EYS: variants seen among roughly 807,000 people sequenced by gnomAD.
The protein encoded by EYS is protein eyes shut homolog.
Under a neutral mutation model 282.1 loss-of-function variants are expected in EYS, and 250 were observed. The observed-to-expected ratio is 0.89, with a 90% CI of 0.80 to 0.98. The LOEUF (loss-of-function observed/expected upper bound fraction) is 0.98, where lower values mean the gene tolerates loss of function less well. Ranked by LOEUF, EYS falls within the 50% of genes least tolerant of loss-of-function variation. The pLI, the probability that EYS is intolerant of heterozygous loss-of-function variation, is 0.00. For missense variants in EYS, 4,016 were observed against 3,709.0 expected, an observed-to-expected ratio of 1.08 and a Z score of -2.15; for synonymous variants, 1,355 against 1,282.9, an observed-to-expected ratio of 1.06 and a Z score of -1.20.
At chr6:64,691,960 C>T (rs1269514337) in intron 22 of EYS, among the ~76,000 whole-genome samples, 1 of 152,106 alleles carries the variant, frequency 6.6e-6, no homozygotes, top group Non-Finnish European at 1.5e-5. Context: ...GTGACAAACA[C>T]ACGAGTCCAT....
chr6:65,468,877 A>G (rs572028711), intron 5 of EYS, among the ~76,000 whole-genome samples: 1 of 152,178 alleles, frequency 6.6e-6, no homozygotes, highest in African/African-American at 2.4e-5. Flanking sequence ...TCCTTCACAG[A>G]TGTTAAAACT....
At chr6:64,538,728 A>G (rs2149797691) in intron 26 of EYS, among the ~76,000 whole-genome samples, 1 of 152,320 alleles carries the variant, frequency 6.6e-6, no homozygotes, top group South Asian at 2.1e-4. Context: ...TCCTTTAACT[A>G]TCATAAAAAA....
At chr6:64,293,194 T>A (rs1344094855) in intron 30 of EYS, among the ~76,000 whole-genome samples, 5 of 152,124 alleles carry the variant, frequency 3.3e-5, no homozygotes, top group Non-Finnish European at 7.4e-5. Context: ...CTGGTCACTT[T>A]ATTGCTATTA....
At chr6:65,178,298 A>G (rs953139527) in intron 12 of EYS, among the ~76,000 whole-genome samples, 1 of 151,902 alleles carries the variant, frequency 6.6e-6, no homozygotes, top group African/African-American at 2.4e-5. Flanking sequence ...CCTTTTCTCT[A>G]ATAAATCTGT....
intron 22 of EYS, among the ~76,000 whole-genome samples, chr6:64,801,647 T>TTAAAATACATTAAA: frequency 1.3e-5 from 2 of 152,290 alleles, no homozygotes; most frequent in East Asian, 3.9e-4. Flanking sequence ...ATGTATTTTA[T>TTAAAATACATTAAA]TAAAATTCTT....
chr6:65,572,564 T>C (rs927981651), intron 2 of EYS, among the ~76,000 whole-genome samples: 87 of 152,234 alleles, frequency 5.7e-4, no homozygotes, highest in African/African-American at 2.0e-3. Context: ...AATTAAAATA[T>C]ACAGTCATGT....
intron 2 of EYS, among the ~76,000 whole-genome samples, chr6:65,612,215 T>C (rs902123457): frequency 6.6e-6 from 1 of 150,742 alleles, no homozygotes. Flanking sequence ...TGTATATATA[T>C]GATATATATG....
chr6:64,534,775 T>C (rs1376506621), intron 26 of EYS, among the ~76,000 whole-genome samples: 2 of 151,970 alleles, frequency 1.3e-5, no homozygotes, highest in Admixed American at 6.6e-5. Flanking sequence ...ATTCAACACA[T>C]TCTGAGGAAT....
intron 31 of EYS, among the ~76,000 whole-genome samples, chr6:64,148,554 A>G (rs1413211647): frequency 6.6e-6 from 1 of 152,164 alleles, no homozygotes; most frequent in Admixed American, 6.6e-5. Context: ...CAGTGAATCA[A>G]TCAAATATTC....
At chr6:64,745,551 T>C (rs946189012) in intron 22 of EYS, among the ~76,000 whole-genome samples, 1 of 152,150 alleles carries the variant, frequency 6.6e-6, no homozygotes, top group Non-Finnish European at 1.5e-5. Flanking sequence ...ACTTTACTCA[T>C]TAAACAGTTA....
At chr6:64,718,285 A>G (rs1046365352) in intron 22 of EYS, among the ~76,000 whole-genome samples, 3 of 152,096 alleles carry the variant, frequency 2.0e-5, no homozygotes, top group Non-Finnish European at 4.4e-5. Flanking sequence ...AGCTGATGAC[A>G]TGGGTTATGA....
chr6:64,821,693 A>C lies in EYS; in HGVS notation c.3195T>G (p.Cys1065Trp). The C allele has an allele frequency of 6.5e-7, 1 of 1,526,746 alleles. No individual in the cohort carries two copies. Among genetic ancestry groups the C allele is most frequent in the Non-Finnish European group, 8.9e-7 (1 of 1,127,904 alleles). The allele number at this position is 1,526,746 out of a possible 1,614,324, so 94.6% of individuals were successfully genotyped here. ...TGCTAGTCCCATCTGCATCACATGA[A>C]CATGGATATTCATTAATAAGTTCTG... ...RCTELINEYP[C>W]SCDADGTSTQ... Residue 1065 changes from cysteine to tryptophan, a missense_variant, in exon 21 of 43, where the codon TGT becomes TGG. Physicochemically the swap from Cys to Trp is radical, Grantham distance 215. Transcript: ENST00000503581.
intron 35 of EYS, among the ~76,000 whole-genome samples, chr6:63,885,572 G>A (rs1241507351): frequency 6.6e-6 from 1 of 152,134 alleles, no homozygotes; most frequent in Admixed American, 6.5e-5. Flanking sequence ...CATAAGGTGT[G>A]ACCATATCTG....
chr6:65,582,484 G>A (rs1419160783), intron 2 of EYS, among the ~76,000 whole-genome samples: 2 of 152,058 alleles, frequency 1.3e-5, no homozygotes, highest in African/African-American at 4.8e-5. Context: ...AAGAACAAAG[G>A]CTAGCTCTCA....
At position 64,639,660 on chromosome 6, in the gene EYS, G is replaced by A. The variant is rs1281805441; in HGVS notation, c.3444-13415C>T. Among the ~76,000 whole-genome samples, 2 of 90,538 alleles carry A rather than the reference G, an allele frequency of 2.2e-5. 1 individual carries two copies. The highest frequency in any genetic ancestry group is 8.4e-5 in the African/African-American group (2 of 23,708). 59.4% of individuals were successfully genotyped at this position (90,538 alleles called of 152,430 possible). A position where few individuals can be genotyped will look rare whatever the true frequency, so the allele number is the denominator to read the frequency against. On this transcript the variant is annotated intron_variant, in intron 22 of 42. Transcript: ENST00000503581. ...CATTCAGGACATAGGCATGGGCAAG[G>A]ACTTCATGTCTAAAACACCAAAAGC...
chr6:65,342,238 T>C (rs1770224598), intron 10 of EYS, among the ~76,000 whole-genome samples: 1 of 90,940 alleles, frequency 1.1e-5, no homozygotes, highest in Admixed American at 1.1e-4. Flanking sequence ...TTAGCCTGAT[T>C]TAATTTAACT....
intron 5 of EYS, among the ~76,000 whole-genome samples, chr6:65,483,001 C>T (rs1765659774): frequency 6.6e-6 from 1 of 152,030 alleles, no homozygotes; most frequent in African/African-American, 2.4e-5. Flanking sequence ...CAAAAATACA[C>T]ATTTAAAAAT....
chr6:64,786,912 T>C (rs912017951), intron 22 of EYS, among the ~76,000 whole-genome samples: 4 of 152,330 alleles, frequency 2.6e-5, no homozygotes, highest in Non-Finnish European at 5.9e-5. Context: ...GCCCTTTTCA[T>C]ATGCTGCCAA....
At chr6:64,048,965 A>G (rs1770720499) in intron 33 of EYS, among the ~76,000 whole-genome samples, 1 of 151,976 alleles carries the variant, frequency 6.6e-6, no homozygotes, top group African/African-American at 2.4e-5. Flanking sequence ...TTTCTCACCC[A>G]CTTTATCTTT....
Sources: allele counts gnomAD v4.1 joint callset (sites outside exome capture counted in the v4.1 genomes callset), GRCh38; gene constraint gnomAD v4.1.1; transcripts MANE v1.5; gene names NCBI Gene and HGNC (gene_info 2026-07-23, HGNC 2026-07-21).